The following HMCN1 variants were observed in gnomAD, a reference collection of about 807,000 sequenced individuals.
HMCN1 encodes the protein hemicentin-1.
A neutral mutation model predicts 625.9 loss-of-function variants in HMCN1; 321 were observed. That is an observed-to-expected ratio of 0.51 (90% CI 0.47 to 0.56). HMCN1 has a LOEUF of 0.56. HMCN1 is among the 20% of genes least tolerant of loss of function. The pLI, the probability that HMCN1 is intolerant of heterozygous loss-of-function variation, is 0.00. For synonymous variants in HMCN1, 2,425 were observed against 2,417.6 expected (o/e 1.00, Z -0.09); for missense variants, 6,588 against 6,887.3 (o/e 0.96, Z 1.54).
chr1:186,039,085 T>TACAC, intron 38 of HMCN1, 80 bp downstream of exon 38: 1 of 964,034 alleles, frequency 1.0e-6, no homozygotes, highest in Non-Finnish European at 1.7e-6. Context: ...AATTCTTGTG[T>TACAC]AAGTATTTAA....
In HMCN1 at chr1:186,038,888, A is replaced by G; in HGVS notation, c.5911A>G (p.Asn1971Asp). Residue 1971 changes from asparagine (N) to aspartate (D), a missense_variant, in exon 38 of 107, where the codon AAC becomes GAC. Asn to Asp is a conservative substitution (Grantham distance 23). Around this residue, in one of 3 missense-constraint regions of HMCN1, gnomAD observed 4,628 missense variants for 4,853.1 expected, o/e 0.95. Coordinates refer to ENST00000271588, the MANE Select transcript of HMCN1 (RefSeq NM_031935.3). ...LSGSTSMTFL[N>D]RGQIIDIESA... Reference sequence around the variant, plus strand: ...AGGTTCCACCAGCATGACTTTCTTGAACAGAGGACAGATCATTGATATTGA... The same window carrying G: ...AGGTTCCACCAGCATGACTTTCTTGGACAGAGGACAGATCATTGATATTGA... 1 of 1,604,318 alleles carries G rather than the reference A, an allele frequency of 6.2e-7. No individual in the cohort carries two copies. Among genetic ancestry groups the G allele is most frequent in the Non-Finnish European group, 8.5e-7 (1 of 1,171,206 alleles).
At chr1:185,953,795 C>G (rs1649420392) in intron 11 of HMCN1, among the ~76,000 whole-genome samples, 1 of 151,816 alleles carries the variant, frequency 6.6e-6, no homozygotes, top group African/African-American at 2.4e-5. Context: ...GACCACCAAA[C>G]AGGCTTTGTG....
intron 20 of HMCN1, among the ~76,000 whole-genome samples, chr1:185,989,254 CA>C (rs1206820019): frequency 6.6e-6 from 1 of 152,042 alleles, no homozygotes; most frequent in East Asian, 1.9e-4. Flanking sequence ...CTTGGCCTCC[CA>C]AAGTGTTGGG....
At chr1:186,098,193 A>C (rs1345173997) in intron 68 of HMCN1, among the ~76,000 whole-genome samples, 10 of 152,262 alleles carry the variant, frequency 6.6e-5, no homozygotes, top group Non-Finnish European at 1.5e-4. Flanking sequence ...AAAAGCAAAA[A>C]TAGACAAATG....
chr1:185,892,863 T>G (rs1254224023), intron 4 of HMCN1, among the ~76,000 whole-genome samples: 1 of 152,204 alleles, frequency 6.6e-6, no homozygotes, highest in Non-Finnish European at 1.5e-5. Context: ...CAGGCTGCTT[T>G]GTTTACCTAC....
At chr1:185,971,053 A>G (rs1017757638) in intron 15 of HMCN1, among the ~76,000 whole-genome samples, 2 of 152,188 alleles carry the variant, frequency 1.3e-5, no homozygotes, top group Admixed American at 6.6e-5. Context: ...AGGCTTATAA[A>G]GGCTAAGCAA....
chr1:185,917,962 C>T (rs1186198803), intron 6 of HMCN1, among the ~76,000 whole-genome samples: 2 of 152,142 alleles, frequency 1.3e-5, no homozygotes, highest in Non-Finnish European at 2.9e-5. Flanking sequence ...TCCTTCTTTT[C>T]CCTTACTGCA....
At chr1:185,924,294 G>T (rs1667159243) in intron 8 of HMCN1, among the ~76,000 whole-genome samples, 1 of 138,412 alleles carries the variant, frequency 7.2e-6, no homozygotes, top group Non-Finnish European at 1.5e-5. Flanking sequence ...GCAGTGGCGC[G>T]ATCTCGGCTC....
rs1229005452 is a variant in HMCN1 at position 186,174,641 on chromosome 1, G to T, written c.15942G>T (p.Met5314Ile). 2.5e-6 allele frequency: 4 copies of T among 1,613,836 alleles called. No individual in the cohort carries two copies. The highest frequency in any genetic ancestry group is 2.5e-6 in the Non-Finnish European group (3 of 1,179,894). ...CTCAAGGAGTTGGAAGACCCTGCATGGGTAAGTTAATAGGAACTTGTTGAG... is the reference window on the plus strand; with the variant it reads ...CTCAAGGAGTTGGAAGACCCTGCATTGGTAAGTTAATAGGAACTTGTTGAG... ...YRSQGVGRPC[M>I]DINECEQVPK... Residue 5314 changes from methionine (M) to isoleucine (I), a missense_variant and splice_region_variant, in exon 103 of 107, where the codon ATG (methionine) becomes ATT (isoleucine). Coordinates refer to ENST00000271588, the MANE Select transcript of HMCN1 (RefSeq NM_031935.3).
intron 75 of HMCN1, among the ~76,000 whole-genome samples, chr1:186,115,878 A>G (rs1169451119): frequency 6.7e-6 from 1 of 149,724 alleles, no homozygotes; most frequent in South Asian, 2.1e-4. Context: ...GCTTTTTTCC[A>G]AGCTTTAATA....
chr1:185,839,800 T>G (rs992151688), intron 1 of HMCN1, among the ~76,000 whole-genome samples: 4 of 152,224 alleles, frequency 2.6e-5, no homozygotes, highest in Non-Finnish European at 5.9e-5. Context: ...CCATGCATTA[T>G]ACATATACTA....
intron 45 of HMCN1, among the ~76,000 whole-genome samples, chr1:186,056,960 T>C (rs1657370238): frequency 6.6e-6 from 1 of 151,652 alleles, no homozygotes; most frequent in Non-Finnish European, 1.5e-5. Context: ...CTCACCACTA[T>C]TGGAATAACA....
At chr1:186,174,778 CATTCA>C in intron 103 of HMCN1, 136 bp downstream of exon 103, 2 of 777,732 alleles carry the variant, frequency 2.6e-6, no homozygotes. Context: ...TGATTTACGT[CATTCA>C]ACACAATTTG....
rs115373972 is a variant in HMCN1 at position 186,187,488 on chromosome 1, C to A, written c.16415-395C>A. 4.7e-3 allele frequency among the ~76,000 whole-genome samples: 722 copies of A among 152,288 alleles called. 5 individuals are homozygous for A. Among genetic ancestry groups the A allele is most frequent in the African/African-American group, 0.017 (689 of 41,552 alleles). ...TCACTCACATTTTAAGGAGATTCTT[C>A]ACTTTGCAAAAAATATTCACAAATG... is the stretch of plus-strand genomic sequence containing the variant. On this transcript the variant is annotated intron_variant, in intron 105 of 106. Transcript: ENST00000271588.
chr1:185,916,444 G>A (rs1042810186), intron 6 of HMCN1, among the ~76,000 whole-genome samples: 1 of 152,122 alleles, frequency 6.6e-6, no homozygotes. Flanking sequence ...TGAGATATTG[G>A]TAAAGTGCTT....
chr1:186,171,723 A>G (rs1467038276), intron 101 of HMCN1, among the ~76,000 whole-genome samples: 1 of 152,164 alleles, frequency 6.6e-6, no homozygotes, highest in Non-Finnish European at 1.5e-5. Flanking sequence ...ATATATATGT[A>G]TACAAATGAA....
rs1161124314 is a variant in HMCN1 at position 185,993,258 on chromosome 1, G to A, written c.3454G>A (p.Ala1152Thr). 1.2e-6 allele frequency: 2 copies of A among 1,612,888 alleles called. No homozygotes were observed. Among genetic ancestry groups the A allele is most frequent in the Non-Finnish European group, 8.5e-7 (1 of 1,179,020 alleles). The change falls in exon 23 of 107, where the codon GCC becomes ACC. Residue 1152 changes from alanine (A) to threonine (T), a missense_variant. Physicochemically the swap from Ala to Thr is moderately conservative, Grantham distance 58 (BLOSUM62 0). Transcript: ENST00000271588. ...TSDSGMYLCV[A>T]TNIAGNVTQA... ...AGATAGTGGGATGTATCTTTGTGTT[G>A]CCACAAATATTGCTGGGAATGTGAC...
At chr1:186,148,896 C>T (rs1650494449) in intron 93 of HMCN1, among the ~76,000 whole-genome samples, 1 of 151,816 alleles carries the variant, frequency 6.6e-6, no homozygotes, top group Admixed American at 6.6e-5. Context: ...CTGCAGTGAA[C>T]ATTCACATGT....
At chr1:186,129,585 G>T (rs1661820544) in intron 83 of HMCN1, among the ~76,000 whole-genome samples, 2 of 151,986 alleles carry the variant, frequency 1.3e-5, no homozygotes, top group Admixed American at 1.3e-4. Flanking sequence ...TAAATTGTTT[G>T]GGAGGAAAAG....
Sources: gnomAD v4.1 joint callset for allele counts (sites outside exome capture counted in the v4.1 genomes callset) on GRCh38, gnomAD v4.1.1 for gene constraint, gnomAD v4.1.1 regional missense constraint, MANE v1.5 for transcripts, NCBI Gene and HGNC (gene_info 2026-07-23, HGNC 2026-07-21) for gene names.